Variants in SLX4IP observed in about 807,000 individuals in gnomAD.
SLX4IP encodes the protein SLX4 interacting protein, also known as protein SLX4IP.
Under a neutral mutation model 32.9 loss-of-function variants are expected in SLX4IP, and 34 were observed. The ratio of observed to expected loss-of-function variants is 1.03; its 90% confidence interval spans 0.79 to 1.38. SLX4IP has a LOEUF of 1.38. SLX4IP is among the 40% of genes most tolerant of loss of function. The pLI is 0.00. For missense variants in SLX4IP, 444 were observed against 479.0 expected (o/e 0.93, Z 0.68); for synonymous variants, 172 against 171.7 (o/e 1.00, Z -0.01).
chr20:10,490,005 A>G (rs1026042689), intron 2 of SLX4IP, among the ~76,000 whole-genome samples: 2 of 152,126 alleles, frequency 1.3e-5, no homozygotes, highest in African/African-American at 4.8e-5. Context: ...GGGAAGGGCC[A>G]AAAAAGTTCT....
intron 2 of SLX4IP, among the ~76,000 whole-genome samples, chr20:10,464,471 A>G (rs1600897877): frequency 2.0e-5 from 3 of 152,346 alleles, no homozygotes; most frequent in Middle Eastern, 6.8e-3. Context: ...ACTTGAGGCC[A>G]GGAGTTAGAG....
chr20:10,552,557 G>C (rs964378742), intron 2 of SLX4IP, among the ~76,000 whole-genome samples: 2 of 152,072 alleles, frequency 1.3e-5, no homozygotes, highest in African/African-American at 4.8e-5. Flanking sequence ...AGCCCCCTGC[G>C]GGGGAGGGGA....
intron 2 of SLX4IP, among the ~76,000 whole-genome samples, chr20:10,506,023 AG>A (rs1749905728): frequency 6.6e-6 from 1 of 152,228 alleles, no homozygotes; most frequent in Non-Finnish European, 1.5e-5. Flanking sequence ...GCATGTAAAC[AG>A]TCTGGCTTTT....
chr20:10,558,988 T>A (rs1341344691), intron 3 of SLX4IP, among the ~76,000 whole-genome samples: 1 of 152,242 alleles, frequency 6.6e-6, no homozygotes, highest in African/African-American at 2.4e-5. Context: ...ATTTTTGTCA[T>A]GCTATTTTTA....
At chr20:10,532,112 G>T (rs2065994860) in intron 2 of SLX4IP, among the ~76,000 whole-genome samples, 1 of 152,134 alleles carries the variant, frequency 6.6e-6, no homozygotes, top group Non-Finnish European at 1.5e-5. Flanking sequence ...GACTGGAGTG[G>T]TCTCCATAGT....
At chr20:10,474,547 G>A (rs2065457225) in intron 2 of SLX4IP, among the ~76,000 whole-genome samples, 2 of 152,078 alleles carry the variant, frequency 1.3e-5, no homozygotes, top group African/African-American at 4.8e-5. Context: ...ACATCTCTGT[G>A]GAGTTTTTTC....
intron 2 of SLX4IP, among the ~76,000 whole-genome samples, chr20:10,469,733 C>T (rs1316188665): frequency 2.0e-5 from 3 of 152,132 alleles, no homozygotes; most frequent in African/African-American, 7.2e-5. Context: ...AAAGTATCTT[C>T]CCGCTGTGAT....
At chr20:10,566,504 A>C (rs1316699623) in intron 4 of SLX4IP, among the ~76,000 whole-genome samples, 1 of 152,020 alleles carries the variant, frequency 6.6e-6, no homozygotes, top group Admixed American at 6.5e-5. Flanking sequence ...TGGGGATGGA[A>C]CGTAAACGTT....
chr20:10,595,372 C>G (rs1053766985), intron 4 of SLX4IP, among the ~76,000 whole-genome samples: 2 of 152,150 alleles, frequency 1.3e-5, no homozygotes, highest in African/African-American at 2.4e-5. Flanking sequence ...ATACCATCAT[C>G]CAGTAGTTTT....
chr20:10,484,431 AT>A (rs1568703108), intron 2 of SLX4IP, among the ~76,000 whole-genome samples: 1 of 152,156 alleles, frequency 6.6e-6, no homozygotes, highest in South Asian at 2.1e-4. Flanking sequence ...AGGGGAGCTC[AT>A]TGCTTTGGTA....
intron 1 of SLX4IP, among the ~76,000 whole-genome samples, chr20:10,453,744 A>G (rs556844853): frequency 8.7e-6 from 1 of 114,454 alleles, no homozygotes; most frequent in Non-Finnish European, 2.1e-5. Context: ...CTTAAAAAAA[A>G]TTTTTTTTTT....
At chr20:10,512,606 T>A (rs1251942204) in intron 2 of SLX4IP, among the ~76,000 whole-genome samples, 2 of 144,634 alleles carry the variant, frequency 1.4e-5, no homozygotes, top group East Asian at 2.0e-4. Flanking sequence ...TATATATATA[T>A]AAAATATATA....
intron 4 of SLX4IP, among the ~76,000 whole-genome samples, chr20:10,591,664 T>C (rs778621085): frequency 1.3e-5 from 2 of 152,260 alleles, no homozygotes; most frequent in African/African-American, 4.8e-5. Context: ...ATTATTCTTA[T>C]CATTATGCAT....
intron 4 of SLX4IP, among the ~76,000 whole-genome samples, chr20:10,582,099 T>C (rs944217752): frequency 2.0e-5 from 3 of 152,196 alleles, no homozygotes; most frequent in African/African-American, 7.2e-5. Flanking sequence ...GAATTCTCAG[T>C]GTGCAACAAA....
intron 1 of SLX4IP, among the ~76,000 whole-genome samples, chr20:10,456,180 C>G (rs1420042174): frequency 6.6e-6 from 1 of 152,068 alleles, no homozygotes; most frequent in Non-Finnish European, 1.5e-5. Flanking sequence ...TGGATCTCAT[C>G]CCCAGGATAT....
At chr20:10,607,614 A>G (rs957719204) in intron 6 of SLX4IP, among the ~76,000 whole-genome samples, 2 of 152,194 alleles carry the variant, frequency 1.3e-5, no homozygotes, top group Non-Finnish European at 2.9e-5. Flanking sequence ...CACCCTCAGC[A>G]AGTGGCCTAC....
At chr20:10,616,742 C>T (rs1477236699) in intron 6 of SLX4IP, among the ~76,000 whole-genome samples, 1 of 152,218 alleles carries the variant, frequency 6.6e-6, no homozygotes, top group Admixed American at 6.5e-5. Context: ...TTACCTACCA[C>T]AGCCTTTCCT....
At chr20:10,565,212 G>A (rs1231692026) in intron 4 of SLX4IP, among the ~76,000 whole-genome samples, 1 of 152,146 alleles carries the variant, frequency 6.6e-6, no homozygotes, top group African/African-American at 2.4e-5. Flanking sequence ...CTGTGGTCAG[G>A]AACCTTAGTT....
In SLX4IP at chr20:10,560,726, C is replaced by T. The variant is rs200047011; in HGVS notation, c.144C>T (p.Thr48=). ...AAGTCTGTTTACTGTTAAAAGAAAC[C>T]ATTGATTCAAGAGTTCAGGAGTACT... ...KEEVCLLLKE[T]IDSRVQEYLE... is the part of the protein sequence containing the mutation. Residue 48 remains threonine, a synonymous_variant, in exon 4 of 8, where the codon ACC becomes ACT. Transcript: ENST00000334534. The T allele has an allele frequency of 2.5e-6, 4 of 1,589,714 alleles. No individual in the cohort carries two copies. In the East Asian group the frequency reaches 9.2e-5, roughly 37 times the overall value.
Sources: allele counts gnomAD v4.1 joint callset (sites outside exome capture counted in the v4.1 genomes callset), GRCh38; gene constraint gnomAD v4.1.1; transcripts MANE v1.5; gene names NCBI Gene and HGNC (gene_info 2026-07-23, HGNC 2026-07-21).